MRO: variants seen among roughly 807,000 people sequenced by gnomAD.
The protein encoded by MRO is maestro.
In MRO, 28 loss-of-function variants were observed where a neutral mutation model predicts 31.0. The observed-to-expected ratio is 0.90, with a 90% CI of 0.67 to 1.24. The LOEUF is 1.24. Ranked by LOEUF, MRO falls within the 50% of genes most tolerant of loss-of-function variation. MRO has a pLI of 0.00. For synonymous variants in MRO, 108 were observed against 108.4 expected (o/e 1.00, Z 0.02); for missense variants, 332 against 289.2 (o/e 1.15, Z -1.07).
At chr18:50,808,330 G>T (rs1914132093) in intron 3 of MRO, among the ~76,000 whole-genome samples, 1 of 152,082 alleles carries the variant, frequency 6.6e-6, no homozygotes, top group Non-Finnish European at 1.5e-5. Flanking sequence ...CCTTAGAAAG[G>T]GGCCTAGAGG....
rs12604174 is a variant in MRO at position 50,800,900 on chromosome 18, A to G, written c.585+449T>C. ...AAACTGTCTCAAAAAAAAAAAAAAGAAAGAAAGAACGAAGGAAGAAAGGAA... is the reference window on the plus strand; with the variant it reads ...AAACTGTCTCAAAAAAAAAAAAAAGGAAGAAAGAACGAAGGAAGAAAGGAA... On this transcript the variant is annotated intron_variant, in intron 6 of 7. Transcript: ENST00000398439. Among the ~76,000 whole-genome samples, 690 of 150,696 alleles carry G rather than the reference A, an allele frequency of 4.6e-3. 32 individuals are homozygous for G. The East Asian group carries it at 0.11, about 24-fold the overall frequency.
At chr18:50,800,809 C>T (rs942768166) in intron 6 of MRO, among the ~76,000 whole-genome samples, 9 of 150,958 alleles carry the variant, frequency 6.0e-5, no homozygotes, top group Non-Finnish European at 4.4e-5. Flanking sequence ...TTGCTTGAAC[C>T]CCAGAGGCGG....
chr18:50,824,647 G>T (rs1047980142), upstream of MRO, among the ~76,000 whole-genome samples: 1 of 149,924 alleles, frequency 6.7e-6, no homozygotes, highest in Non-Finnish European at 1.5e-5. Flanking sequence ...GTAGAAACAG[G>T]GTTTCACCAT....
At chr18:50,813,355 A>C (rs895342907) in intron 2 of MRO, among the ~76,000 whole-genome samples, 1 of 152,260 alleles carries the variant, frequency 6.6e-6, no homozygotes, top group East Asian at 1.9e-4. Flanking sequence ...TCTTTCCATC[A>C]GTTACCTGGC....
At chr18:50,806,905 C>T in intron 3 of MRO, 55 bp from the exon 4 acceptor site, 1 of 1,547,034 alleles carries the variant, frequency 6.5e-7, no homozygotes, top group Non-Finnish European at 8.9e-7. Context: ...TCATACCAAT[C>T]CCAACCCCAA....
upstream of MRO, among the ~76,000 whole-genome samples, chr18:50,821,474 T>A (rs984164411): frequency 7.2e-5 from 11 of 152,300 alleles, no homozygotes; most frequent in African/African-American, 2.6e-4. Context: ...ACGGCCATAA[T>A]CTATATACTG....
At chr18:50,807,903 C>T (rs908455051) in intron 3 of MRO, among the ~76,000 whole-genome samples, 2 of 152,152 alleles carry the variant, frequency 1.3e-5, no homozygotes, top group African/African-American at 2.4e-5. Context: ...CATGGCGAAA[C>T]CCTGAAACCC....
rs113722397 is a variant in MRO, at chr18:50,808,018, C to T, written c.100-1168G>A. Among the ~76,000 whole-genome samples the T allele has an allele frequency of 6.3e-3, 959 of 152,256 alleles. 14 individuals are homozygous for T. The highest frequency in any genetic ancestry group is 0.022 in the African/African-American group (899 of 41,552). On this transcript the variant is annotated intron_variant, in intron 3 of 7. Transcript: ENST00000398439. ...GGGAGAATTGCTTGAATCTGGGAGG[C>T]GAAAGTTGCAGTGAGCTGAGATCAC...
At position 50,806,719 on chromosome 18, in the gene MRO, A is replaced by C. The variant is rs868424872; in HGVS notation, c.231T>G (p.Tyr77Ter). 1 of 1,614,062 alleles carries C rather than the reference A, an allele frequency of 6.2e-7. No individual in the cohort carries two copies. The highest frequency in any genetic ancestry group is 1.3e-5 in the African/African-American group (1 of 74,930). ...CCTTCCCTACCTTGTCAGGGGCTTC[A>C]TAGGCCATGGTTCCCAAGTTTCTCA... ...MAMRNLGTMA[Y>*]EAPDKVRKYK... Residue 77 changes from tyrosine to a stop codon, truncating the protein, a stop_gained, in exon 4 of 8, where the codon TAT becomes TAG. Coordinates refer to ENST00000398439, the MANE Select transcript of MRO (RefSeq NM_031939.6). LOFTEE classifies it high-confidence loss of function.
At chr18:50,801,595 C>G in intron 5 of MRO, 91 bp from the exon 6 acceptor site, 1 of 1,219,860 alleles carries the variant, frequency 8.2e-7, no homozygotes, top group South Asian at 1.5e-5. Flanking sequence ...GGTCAGAACA[C>G]ATCACAGCCG....
chr18:50,818,372 GT>G (rs1224838929), intron 2 of MRO, among the ~76,000 whole-genome samples: 3 of 152,138 alleles, frequency 2.0e-5, no homozygotes, highest in Admixed American at 6.5e-5. Flanking sequence ...CTCTGCACAC[GT>G]TCTTCAACGA....
intron 3 of MRO, among the ~76,000 whole-genome samples, chr18:50,807,242 T>A (rs1914036064): frequency 6.6e-6 from 1 of 152,140 alleles, no homozygotes; most frequent in East Asian, 1.9e-4. Flanking sequence ...TACCCCTTCT[T>A]CTCCAGCTCT....
intron 5 of MRO, among the ~76,000 whole-genome samples, chr18:50,802,901 TGTATGTGTGTGTGTA>T (rs1456183276): frequency 7.9e-6 from 1 of 127,322 alleles, no homozygotes; most frequent in African/African-American, 3.1e-5. Context: ...TGAGTGTTTG[TGTATGTGTGTGTGTA>T]GTGTGTGTGT....
Position 50,806,777 on chromosome 18 carries a change from C to G in MRO, c.173G>C (p.Arg58Pro). The change falls in exon 4 of 8, where the codon CGG becomes CCG. Residue 58 changes from arginine (R) to proline (P), a missense_variant. Transcript: ENST00000398439. ...GTGACGCTTTTTAGCACTGGGGTCC[C>G]GAGCTCTTTCTGCCAAGATGAAAAA... ...NVFFILAERA[R>P]DPSAKKRHMA... 3 of 1,614,094 alleles carry G rather than the reference C, an allele frequency of 1.9e-6. No homozygotes were observed. Among genetic ancestry groups the G allele is most frequent in the Non-Finnish European group, 2.5e-6 (3 of 1,180,010 alleles).
intron 2 of MRO, among the ~76,000 whole-genome samples, chr18:50,817,982 T>G: frequency 6.8e-6 from 1 of 147,692 alleles, no homozygotes. Flanking sequence ...TGCAGCTTCT[T>G]AAAGAACTCC....
upstream of MRO, chr18:50,823,757 G>A (rs568092067): frequency 1.6e-4 from 29 of 175,802 alleles, no homozygotes; most frequent in South Asian, 1.7e-3. Flanking sequence ...GTGCCTTTCC[G>A]TCATTACAAA....
At chr18:50,824,734 A>G (rs74316265), upstream of MRO, among the ~76,000 whole-genome samples, 7,530 of 146,926 alleles carry the variant, frequency 0.051, 266 homozygotes, top group Non-Finnish European at 0.081. Flanking sequence ...GATTACAGGC[A>G]TGAGCCACCA....
chr18:50,820,009 G>C lies in MRO; in HGVS notation c.-239C>G. Reference sequence around the variant, plus strand: ...ACTTTCTGCAGAAATTCTGCAGATGGCAATTCTGGGGACCTTTCCTCTGCA... The same window carrying C: ...ACTTTCTGCAGAAATTCTGCAGATGCCAATTCTGGGGACCTTTCCTCTGCA... On this transcript the variant is annotated 5_prime_UTR_variant, in exon 1 of 8. Transcript: ENST00000398439. The C allele has an allele frequency of 6.7e-7, 1 of 1,499,596 alleles. No individual in the cohort carries two copies. Among genetic ancestry groups the C allele is most frequent in the Non-Finnish European group, 9.1e-7 (1 of 1,100,638 alleles). 92.9% of individuals were successfully genotyped at this position (1,499,596 alleles called of 1,614,324 possible).
intron 2 of MRO, among the ~76,000 whole-genome samples, chr18:50,817,305 C>T (rs9963247): frequency 0.14 from 20,817 of 151,936 alleles, 1,420 homozygotes; most frequent in Middle Eastern, 0.16. Flanking sequence ...TTGGTTGCAC[C>T]TTCTATATCA....
Sources: allele counts gnomAD v4.1 joint callset (sites outside exome capture counted in the v4.1 genomes callset), GRCh38; gene constraint gnomAD v4.1.1; transcripts MANE v1.5; gene names NCBI Gene and HGNC (gene_info 2026-07-23, HGNC 2026-07-21).